Variants in FER1L6 observed in about 807,000 individuals in gnomAD.
The protein encoded by FER1L6 is fer-1 like family member 6.
Under a neutral mutation model 219.2 loss-of-function variants are expected in FER1L6, and 177 were observed. The ratio of observed to expected loss-of-function variants is 0.81; its 90% CI spans 0.71 to 0.91. The LOEUF (loss-of-function observed/expected upper bound fraction) is 0.91. FER1L6 is among the 40% of genes least tolerant of loss of function. The pLI, the probability that FER1L6 is intolerant of heterozygous loss-of-function variation, is 0.00. For missense variants in FER1L6, 2,153 were observed against 2,259.9 expected, an observed-to-expected ratio of 0.95 and a Z score of 0.96; for synonymous variants, 768 against 824.3, an observed-to-expected ratio of 0.93 and a Z score of 1.17.
chr8:123,988,995 G>A lies in FER1L6; in HGVS notation c.1519+2819G>A, dbSNP rs551576988. Among the ~76,000 whole-genome samples the A allele has an allele frequency of 1.1e-4, 17 of 152,164 alleles. No individual in the cohort carries two copies. The East Asian group carries it at 2.9e-3, about 26-fold the overall frequency. On this transcript the variant is annotated intron_variant, in intron 12 of 40. Transcript: ENST00000522917. ...TATCGCTTTTATTGTATTGAGGTAT[G>A]TTCCTTCTGTACTTAGTGTTTTGAG...
chr8:124,005,688 A>T (rs1586580668), intron 13 of FER1L6, among the ~76,000 whole-genome samples: 1 of 152,336 alleles, frequency 6.6e-6, no homozygotes, highest in East Asian at 1.9e-4. Flanking sequence ...GTAGATGCTC[A>T]TAAGTGTTTT....
At chr8:124,107,323 G>T (rs1822823699) in intron 39 of FER1L6, among the ~76,000 whole-genome samples, 1 of 152,164 alleles carries the variant, frequency 6.6e-6, no homozygotes, top group Non-Finnish European at 1.5e-5. Flanking sequence ...CTTTAAAAAT[G>T]AACACATTAG....
At chr8:123,936,462 G>GTT (rs779012175) in intron 1 of FER1L6, among the ~76,000 whole-genome samples, 24,658 of 96,478 alleles carry the variant, frequency 0.26, 4,095 homozygotes, top group Non-Finnish European at 0.29. Flanking sequence ...ATTGCAGCCT[G>GTT]TTTTTTTTTT....
chr8:124,083,333 T>C (rs141514261), intron 33 of FER1L6, among the ~76,000 whole-genome samples: 2 of 152,300 alleles, frequency 1.3e-5, no homozygotes, highest in East Asian at 1.9e-4. Flanking sequence ...CATGCAAAGT[T>C]TGTCTTTCTG....
intron 11 of FER1L6, among the ~76,000 whole-genome samples, chr8:123,982,987 G>A (rs1816386628): frequency 6.6e-6 from 1 of 152,190 alleles, no homozygotes; most frequent in African/African-American, 2.4e-5. Context: ...GCTATGTTCT[G>A]TTTGTTAGAA....
At chr8:123,916,129 CCTA>C (rs1339082931) in intron 1 of FER1L6, among the ~76,000 whole-genome samples, 1 of 152,168 alleles carries the variant, frequency 6.6e-6, no homozygotes, top group African/African-American at 2.4e-5. Context: ...AGGCAGCCCT[CCTA>C]GATTTCCTCT....
At chr8:123,984,555 ACCT>A (rs1267840105) in intron 11 of FER1L6, 1 of 151,822 alleles carries the variant, frequency 6.6e-6, no homozygotes, top group Non-Finnish European at 1.5e-5. Flanking sequence ...GTGGTTTTTA[ACCT>A]CCTCCTAGAG....
intron 16 of FER1L6, 34 bp from the exon 17 acceptor site, chr8:124,021,516 C>A: frequency 1.2e-6 from 2 of 1,610,690 alleles, no homozygotes; most frequent in Non-Finnish European, 1.7e-6. Flanking sequence ...CCAGATCTCT[C>A]GAAAGACCCA....
intron 1 of FER1L6, among the ~76,000 whole-genome samples, chr8:123,921,038 T>C (rs1813345656): frequency 6.6e-6 from 1 of 152,246 alleles, no homozygotes. Flanking sequence ...TCCTTCATTG[T>C]TATAGTACAT....
At chr8:124,119,357 T>G (rs1363871203) in intron 40 of FER1L6, among the ~76,000 whole-genome samples, 1 of 151,926 alleles carries the variant, frequency 6.6e-6, no homozygotes, top group South Asian at 2.1e-4. Context: ...TGGAGGGTGG[T>G]GGGGCCTTGG....
intron 1 of FER1L6, among the ~76,000 whole-genome samples, chr8:123,925,345 T>A (rs1156607430): frequency 6.6e-6 from 1 of 152,196 alleles, no homozygotes; most frequent in Admixed American, 6.5e-5. Flanking sequence ...ACATTCCAAG[T>A]AGCAGGATAG....
At chr8:124,024,486 G>C (rs1818618800) in intron 18 of FER1L6, among the ~76,000 whole-genome samples, 3 of 152,096 alleles carry the variant, frequency 2.0e-5, no homozygotes, top group Admixed American at 6.5e-5. Flanking sequence ...ACTTCACTTA[G>C]AATAAGTAAT....
chr8:123,947,083 G>C (rs888991515), intron 1 of FER1L6, among the ~76,000 whole-genome samples: 1 of 152,174 alleles, frequency 6.6e-6, no homozygotes, highest in East Asian at 1.9e-4. Context: ...TCAGGAGATA[G>C]AGACCATCCT....
rs1461961962 is a variant in FER1L6 at position 124,003,210 on chromosome 8, TAAG to T, written c.1567_1569del (p.Lys523del). On this transcript the variant is annotated inframe_deletion, in exon 13 of 41. Coordinates refer to ENST00000522917, the MANE Select transcript of FER1L6 (RefSeq NM_001039112.2). ...TTGATGGAGGATCCCATCATGGGAG[TAAG>T]AAGTCAGCTGAATCAGCTGAAGAAG... The T allele has an allele frequency of 3.7e-6, 6 of 1,613,692 alleles. No individual in the cohort carries two copies. In the Admixed American group the frequency reaches 8.3e-5, roughly 22 times the overall value.
chr8:123,854,916 C>A (rs1246834887), intron 1 of FER1L6, among the ~76,000 whole-genome samples: 1 of 152,156 alleles, frequency 6.6e-6, no homozygotes, highest in Non-Finnish European at 1.5e-5. Context: ...AAGTGAAATT[C>A]ATGTAACATA....
chr8:124,060,067 A>G, intron 22 of FER1L6, 113 bp from the exon 23 acceptor site: 1 of 745,270 alleles, frequency 1.3e-6, no homozygotes, highest in Non-Finnish European at 2.3e-6. Context: ...TAAGCTGGAA[A>G]CATTACTTTT....
At chr8:124,060,140 G>A in intron 22 of FER1L6, 40 bp from the exon 23 acceptor site, 2 of 1,502,830 alleles carry the variant, frequency 1.3e-6, no homozygotes, top group Non-Finnish European at 9.3e-7. Context: ...CCTTCCCTGT[G>A]TCTCTCCAGC....
intron 20 of FER1L6, among the ~76,000 whole-genome samples, chr8:124,044,382 G>A (rs1819632197): frequency 6.6e-6 from 1 of 152,196 alleles, no homozygotes; most frequent in South Asian, 2.1e-4. Flanking sequence ...AAAGCAAGAA[G>A]AGAAGGAAAT....
intron 1 of FER1L6, among the ~76,000 whole-genome samples, chr8:123,882,997 G>A (rs1817137151): frequency 6.6e-6 from 1 of 152,088 alleles, no homozygotes; most frequent in African/African-American, 2.4e-5. Flanking sequence ...GGGTGTGTAG[G>A]AACTCTCTAC....
Sources: allele counts gnomAD v4.1 joint callset (sites outside exome capture counted in the v4.1 genomes callset), GRCh38; gene constraint gnomAD v4.1.1; transcripts MANE v1.5; gene names NCBI Gene and HGNC (gene_info 2026-07-23, HGNC 2026-07-21).